SPIDR: variants seen among roughly 807,000 people sequenced by gnomAD.
The protein encoded by SPIDR is DNA repair-scaffolding protein.
SPIDR carries 93 observed loss-of-function variants against 104.6 expected under a neutral mutation model. The observed-to-expected ratio is 0.89, with a 90% confidence interval of 0.75 to 1.06. The LOEUF (loss-of-function observed/expected upper bound fraction) is 1.06. SPIDR is among the 50% of genes least tolerant of loss of function. The pLI, the probability that SPIDR is intolerant of heterozygous loss-of-function variation, is 0.00. For synonymous variants in SPIDR, 431 were observed against 416.9 expected (o/e 1.03, Z -0.41); for missense variants, 1,154 against 1,111.2 (o/e 1.04, Z -0.55).
intron 5 of SPIDR, among the ~76,000 whole-genome samples, chr8:47,320,575 G>A (rs190587521): frequency 0.045 from 6,778 of 152,192 alleles, 461 homozygotes; most frequent in African/African-American, 0.15. Flanking sequence ...GAAAAAGAGG[G>A]AATCCTCCCT....
At chr8:47,443,307 C>T (rs782344005) in intron 8 of SPIDR, among the ~76,000 whole-genome samples, 17 of 152,042 alleles carry the variant, frequency 1.1e-4, no homozygotes, top group Non-Finnish European at 1.8e-4. Context: ...CATTAGTTCA[C>T]GCCTATAATC....
At chr8:47,519,123 T>TTTGTTGTTGTTG (rs371410579) in intron 8 of SPIDR, among the ~76,000 whole-genome samples, 18 of 151,098 alleles carry the variant, frequency 1.2e-4, no homozygotes, top group African/African-American at 4.4e-4. Context: ...GGCTATGTGT[T>TTTGTTGTTGTTG]TTGTTGTTGT....
At chr8:47,431,829 A>C (rs10504061) in intron 7 of SPIDR, among the ~76,000 whole-genome samples, 3,142 of 152,326 alleles carry the variant, frequency 0.021, 113 homozygotes, top group African/African-American at 0.071. Flanking sequence ...AGTTGTGGTA[A>C]AGAAATGTGT....
In SPIDR at chr8:47,279,891, A is replaced by G; in HGVS notation, c.63A>G (p.Pro21=). 5 of 1,613,776 alleles carry G rather than the reference A, an allele frequency of 3.1e-6. No individual in the cohort carries two copies. Among genetic ancestry groups the G allele is most frequent in the Non-Finnish European group, 2.5e-6 (3 of 1,179,846 alleles). ...AAAGGAGTTGGAATACAGAATGCCC[A>G]TCCTTTCCAGGAGAAAGACCACTGC... ...KRKRSWNTEC[P]SFPGERPLQV... is the part of the protein sequence containing the mutation. The change falls in exon 2 of 20, where the codon CCA becomes CCG. Residue 21 remains proline (P), a synonymous_variant. Transcript: ENST00000297423.
At chr8:47,370,114 G>A (rs1333159714) in intron 5 of SPIDR, among the ~76,000 whole-genome samples, 2 of 151,994 alleles carry the variant, frequency 1.3e-5, no homozygotes, top group African/African-American at 2.4e-5. Context: ...TAGGCACAAC[G>A]ATAGGTCAGC....
At position 47,396,504 on chromosome 8, in the gene SPIDR, G is replaced by T. The variant is rs956427830; in HGVS notation, c.654G>T (p.Gln218His). The change falls in exon 6 of 20, where the codon CAG (glutamine) becomes CAT (histidine). Residue 218 changes from glutamine (Q) to histidine (H), a missense_variant. Physicochemically the swap from Gln to His is conservative, Grantham distance 24. Transcript: ENST00000297423. Reference sequence around the variant, plus strand: ...TGCAGTTTGCATCGGATGCAAGACAGATTATGGAGAGACTGATAGATCCAA... The same window carrying T: ...TGCAGTTTGCATCGGATGCAAGACATATTATGGAGAGACTGATAGATCCAA... The part of the protein sequence containing the change: ...YHVQFASDAR[Q>H]IMERLIDPRT... 2.5e-6 allele frequency: 4 copies of T among 1,614,002 alleles called. No homozygotes were observed. In the African/African-American group the frequency reaches 5.3e-5, roughly 22 times the overall value.
At chr8:47,433,902 G>GC (rs1251816010) in intron 7 of SPIDR, among the ~76,000 whole-genome samples, 3 of 22,854 alleles carry the variant, frequency 1.3e-4, no homozygotes, top group Non-Finnish European at 2.3e-4. Flanking sequence ...AAAACGTAGA[G>GC]CAGGGTATAC....
chr8:47,669,052 C>G (rs1563486469), intron 10 of SPIDR, among the ~76,000 whole-genome samples: 2 of 152,126 alleles, frequency 1.3e-5, no homozygotes, highest in African/African-American at 2.4e-5. Flanking sequence ...ATTAGATTCT[C>G]TTATTTTGTG....
chr8:47,283,979 T>A (rs1197957903), intron 2 of SPIDR, 49 bp from the exon 3 acceptor site: 1 of 1,415,504 alleles, frequency 7.1e-7, no homozygotes, highest in Non-Finnish European at 9.8e-7. Flanking sequence ...ATAAAAGTTT[T>A]TTTTTAGCAT....
Position 47,279,951 on chromosome 8 carries a change from A to C in SPIDR, c.123A>C (p.Ala41=), listed in dbSNP as rs2037386298. 2.5e-6 allele frequency: 4 copies of C among 1,614,204 alleles called. No individual in the cohort carries two copies. The Admixed American group carries it at 6.7e-5, about 27-fold the overall frequency. ...GAGCAGGTCTCAGGACAGCAGGGGC[A>C]GCTGCCTCTCTCTCTGAAGCATGGC... ...VRRAGLRTAG[A]AASLSEAWLR... The change falls in exon 2 of 20, where the codon GCA becomes GCC. Residue 41 remains alanine, a synonymous_variant. Transcript: ENST00000297423.
chr8:47,426,411 T>C (rs2066425535), intron 7 of SPIDR, among the ~76,000 whole-genome samples: 1 of 152,152 alleles, frequency 6.6e-6, no homozygotes, highest in African/African-American at 2.4e-5. Context: ...GCTTATCTTT[T>C]TTTTTTTTAC....
chr8:47,458,490 A>G (rs1554711232), intron 8 of SPIDR, among the ~76,000 whole-genome samples: 1 of 151,796 alleles, frequency 6.6e-6, no homozygotes, highest in African/African-American at 2.4e-5. Flanking sequence ...TTAATTTTGT[A>G]TCCTAAAACT....
intron 8 of SPIDR, among the ~76,000 whole-genome samples, chr8:47,561,148 T>C (rs1205803545): frequency 2.6e-5 from 4 of 152,210 alleles, no homozygotes; most frequent in Non-Finnish European, 4.4e-5. Context: ...ATTTTTGCTG[T>C]TGTTTTAATG....
chr8:47,321,496 TATC>T (rs2046576536), intron 5 of SPIDR, among the ~76,000 whole-genome samples: 1 of 152,126 alleles, frequency 6.6e-6, no homozygotes, highest in African/African-American at 2.4e-5. Context: ...GAAGAATCAG[TATC>T]ATGAAAATGG....
At chr8:47,734,486 G>A (rs1291740750) in intron 19 of SPIDR, among the ~76,000 whole-genome samples, 2 of 152,166 alleles carry the variant, frequency 1.3e-5, no homozygotes, top group Non-Finnish European at 2.9e-5. Context: ...GGAGGGGTGA[G>A]TTAATAGACA....
chr8:47,425,465 A>G (rs2066266213), intron 7 of SPIDR, among the ~76,000 whole-genome samples: 1 of 152,222 alleles, frequency 6.6e-6, no homozygotes, highest in Non-Finnish European at 1.5e-5. Context: ...GGAGCTGTGC[A>G]GGACAGGCTA....
At chr8:47,358,575 C>T (rs782603422) in intron 5 of SPIDR, among the ~76,000 whole-genome samples, 1 of 152,144 alleles carries the variant, frequency 6.6e-6, no homozygotes, top group Non-Finnish European at 1.5e-5. Context: ...GCTAAGATCT[C>T]TCTACAGCTT....
intron 16 of SPIDR, among the ~76,000 whole-genome samples, chr8:47,717,430 A>C (rs1589479091): frequency 6.6e-6 from 1 of 152,188 alleles, no homozygotes; most frequent in African/African-American, 2.4e-5. Context: ...AAGAATCGCC[A>C]CCACCCATAG....
chr8:47,697,736 C>G (rs1439491363), intron 11 of SPIDR: 2 of 152,708 alleles, frequency 1.3e-5, no homozygotes, highest in African/African-American at 4.8e-5. Context: ...GCACCACCCC[C>G]CAGCCTTCTT....
Sources: allele counts gnomAD v4.1 joint callset (sites outside exome capture counted in the v4.1 genomes callset), GRCh38; gene constraint gnomAD v4.1.1; transcripts MANE v1.5; gene names NCBI Gene and HGNC (gene_info 2026-07-23, HGNC 2026-07-21).